Variants in CCDC171 observed in about 807,000 individuals in gnomAD.
CCDC171 encodes coiled-coil domain-containing protein 171.
A neutral mutation model predicts 168.2 loss-of-function variants in CCDC171; 177 were observed. The ratio of observed to expected loss-of-function variants is 1.05; its 90% CI spans 0.93 to 1.19. The LOEUF is 1.19. Ranked by LOEUF, CCDC171 falls within the 50% of genes most tolerant of loss-of-function variation. The pLI, the probability that CCDC171 is intolerant of heterozygous loss-of-function variation, is 0.00. For synonymous variants in CCDC171, 687 were observed against 540.8 expected, an observed-to-expected ratio of 1.27 and a Z score of -3.75; for missense variants, 1,991 against 1,539.0, an observed-to-expected ratio of 1.29 and a Z score of -4.91.
intron 7 of CCDC171, among the ~76,000 whole-genome samples, chr9:15,652,736 C>A (rs904496261): frequency 6.6e-6 from 1 of 152,188 alleles, no homozygotes. Context: ...CCACCATGCT[C>A]AGCTGATCAC....
intron 10 of CCDC171, among the ~76,000 whole-genome samples, chr9:15,692,872 C>A (rs1282325650): frequency 6.6e-6 from 1 of 151,078 alleles, no homozygotes; most frequent in Non-Finnish European, 1.5e-5. Flanking sequence ...CATGGTGGCT[C>A]ACCCCTGTAA....
At chr9:16,010,231 A>G (rs1832830630) in intron 3 of CCDC171, among the ~76,000 whole-genome samples, 1 of 152,118 alleles carries the variant, frequency 6.6e-6, no homozygotes, top group African/African-American at 2.4e-5. Flanking sequence ...GAATAGACTC[A>G]CTTTCTTCTT....
At chr9:15,801,652 G>A (rs77976236) in intron 21 of CCDC171, among the ~76,000 whole-genome samples, 3 of 151,914 alleles carry the variant, frequency 2.0e-5, no homozygotes, top group South Asian at 4.1e-4. Flanking sequence ...CCAGTACTAT[G>A]TCATGTAACA....
chr9:16,107,530 C>T, the CCDC171 span, among the ~76,000 whole-genome samples: 1 of 152,022 alleles, frequency 6.6e-6, no homozygotes, highest in African/African-American at 2.4e-5. Context: ...TTACTGTTCT[C>T]TCTCTAAATG....
At chr9:15,773,360 C>T (rs1194838206) in intron 18 of CCDC171, among the ~76,000 whole-genome samples, 1 of 152,162 alleles carries the variant, frequency 6.6e-6, no homozygotes, top group Non-Finnish European at 1.5e-5. Flanking sequence ...AATGTCCTTC[C>T]TTCCCCACCT....
At chr9:15,576,456 G>A (rs2040672465) in intron 3 of CCDC171, among the ~76,000 whole-genome samples, 1 of 152,016 alleles carries the variant, frequency 6.6e-6, no homozygotes, top group African/African-American at 2.4e-5. Context: ...TCAAAGTGCT[G>A]GGATTGCAGG....
At chr9:15,767,526 C>T (rs965601792) in intron 18 of CCDC171, among the ~76,000 whole-genome samples, 1 of 152,036 alleles carries the variant, frequency 6.6e-6, no homozygotes, top group Admixed American at 6.6e-5. Flanking sequence ...AATTCTCTCT[C>T]GTTGTGTAAC....
At chr9:15,824,496 G>A (rs910744394) in intron 21 of CCDC171, among the ~76,000 whole-genome samples, 2 of 151,984 alleles carry the variant, frequency 1.3e-5, no homozygotes, top group Non-Finnish European at 2.9e-5. Context: ...ACAGTTAGTG[G>A]TATGCTGCCC....
intron 6 of CCDC171, among the ~76,000 whole-genome samples, chr9:15,610,444 T>TGAAAAAAAAAAAAA (rs1564043775): frequency 1.6e-4 from 2 of 12,700 alleles, no homozygotes; most frequent in Admixed American, 1.4e-3. Flanking sequence ...CCATCTCAAC[T>TGAAAAAAAAAAAAA]AAAAAAAAAA....
chr9:16,055,038 C>T (rs371786258), intron 1 of CCDC171, among the ~76,000 whole-genome samples: 7 of 152,002 alleles, frequency 4.6e-5, no homozygotes, highest in Admixed American at 1.3e-4. Context: ...CAGTGGCTGT[C>T]GGGCTGGTGG....
At chr9:15,722,623 A>G (rs925284327) in intron 12 of CCDC171, among the ~76,000 whole-genome samples, 1 of 152,228 alleles carries the variant, frequency 6.6e-6, no homozygotes, top group Admixed American at 6.5e-5. Context: ...GACAAGTCAC[A>G]TAGCATGGAA....
intron 11 of CCDC171, among the ~76,000 whole-genome samples, chr9:15,712,829 C>T (rs1004816865): frequency 6.6e-6 from 1 of 152,176 alleles, no homozygotes; most frequent in Non-Finnish European, 1.5e-5. Context: ...GTTCATATTG[C>T]TGAGCCTGTG....
intron 16 of CCDC171, among the ~76,000 whole-genome samples, chr9:15,737,328 A>G (rs1347331906): frequency 1.3e-5 from 2 of 152,214 alleles, no homozygotes; most frequent in African/African-American, 2.4e-5. Flanking sequence ...TACAAGGTTT[A>G]TCATAGGCTG....
intron 10 of CCDC171, among the ~76,000 whole-genome samples, chr9:15,694,563 A>G (rs2051068470): frequency 6.6e-6 from 1 of 152,210 alleles, no homozygotes; most frequent in African/African-American, 2.4e-5. Context: ...AACTACTGAA[A>G]TCCACCCAGT....
At chr9:15,981,004 C>G (rs1032625176) in intron 3 of CCDC171, among the ~76,000 whole-genome samples, 2 of 151,934 alleles carry the variant, frequency 1.3e-5, no homozygotes, top group Non-Finnish European at 2.9e-5. Flanking sequence ...TGGCAGCAGG[C>G]AAAGAGAGAG....
At chr9:15,583,080 T>C (rs1380547955) in intron 4 of CCDC171, among the ~76,000 whole-genome samples, 3 of 151,862 alleles carry the variant, frequency 2.0e-5, no homozygotes, top group East Asian at 1.9e-4. Context: ...TGCAAAAATA[T>C]CGAACCAGCC....
chr9:15,907,350 G>C (rs548313178), intron 24 of CCDC171, among the ~76,000 whole-genome samples: 8 of 151,962 alleles, frequency 5.3e-5, no homozygotes, highest in Admixed American at 5.2e-4. Context: ...CAGAAATAAT[G>C]CTGCATATCT....
intron 22 of CCDC171, among the ~76,000 whole-genome samples, chr9:15,847,995 T>G (rs2060975377): frequency 1.3e-5 from 2 of 151,994 alleles, no homozygotes; most frequent in Admixed American, 6.6e-5. Context: ...CTAAATCAGT[T>G]TTTGTTGTTA....
chr9:15,778,036 G>A (rs535872773), intron 19 of CCDC171, among the ~76,000 whole-genome samples: 1 of 152,106 alleles, frequency 6.6e-6, no homozygotes, highest in South Asian at 2.1e-4. Flanking sequence ...GGTGGCTCAC[G>A]CCTGTAATCC....
Sources: allele counts gnomAD v4.1 joint callset (sites outside exome capture counted in the v4.1 genomes callset), GRCh38; gene constraint gnomAD v4.1.1; transcripts MANE v1.5; gene names NCBI Gene and HGNC (gene_info 2026-07-23, HGNC 2026-07-21).